Variants in TNPO1 observed in about 807,000 individuals in gnomAD.
TNPO1 encodes transportin-1.
A neutral mutation model predicts 119.5 loss-of-function variants in TNPO1; 8 were observed. The observed-to-expected ratio is 0.07, with a 90% CI of 0.04 to 0.12. The LOEUF is 0.12. Ranked by LOEUF, TNPO1 falls within the 10% of genes least tolerant of loss-of-function variation. TNPO1 has a pLI of 1.00. For synonymous variants in TNPO1, 362 were observed against 363.0 expected, an observed-to-expected ratio of 1.00 and a Z score of 0.03; for missense variants, 576 against 1,089.8, an observed-to-expected ratio of 0.53 and a Z score of 6.64.
At chr5:72,877,596 G>GT (rs975928320) in intron 9 of TNPO1, among the ~76,000 whole-genome samples, 1 of 151,778 alleles carries the variant, frequency 6.6e-6, no homozygotes, top group Non-Finnish European at 1.5e-5. Context: ...TTTTTGTGGG[G>GT]TTTTTTTGTT....
chr5:72,825,169 G>T (rs957289224), intron 1 of TNPO1, among the ~76,000 whole-genome samples: 4 of 152,102 alleles, frequency 2.6e-5, no homozygotes, highest in Non-Finnish European at 4.4e-5. Flanking sequence ...ACTGAAATAG[G>T]TTACTACCTG....
intron 3 of TNPO1, among the ~76,000 whole-genome samples, chr5:72,852,718 A>G (rs989091809): frequency 1.3e-5 from 2 of 152,168 alleles, no homozygotes; most frequent in African/African-American, 4.8e-5. Flanking sequence ...GATTTTCATA[A>G]TTCTTGCACG....
chr5:72,851,397 A>G (rs187451669), intron 3 of TNPO1, 78 bp downstream of exon 3: 11 of 879,640 alleles, frequency 1.3e-5, no homozygotes, highest in Admixed American at 9.6e-5. Flanking sequence ...ATTCATTTCA[A>G]AGGATTTCAT....
At chr5:72,898,163 T>C (rs973040809) in intron 20 of TNPO1, among the ~76,000 whole-genome samples, 3 of 152,098 alleles carry the variant, frequency 2.0e-5, no homozygotes, top group African/African-American at 7.2e-5. Context: ...GGATTTTATC[T>C]TTTCAGAATG....
chr5:72,908,757 T>C lies in TNPO1; in HGVS notation c.*84T>C, dbSNP rs1022176865. 1.3e-5 allele frequency: 3 copies of C among 224,642 alleles called. No homozygotes were observed. Among genetic ancestry groups the C allele is most frequent in the Non-Finnish European group, 2.8e-5 (3 of 106,452 alleles). 13.9% of individuals were successfully genotyped at this position (224,642 alleles called of 1,614,324 possible). On this transcript the variant is annotated 3_prime_UTR_variant, in exon 25 of 25. Transcript: ENST00000337273. The stretch of plus-strand genomic sequence containing the variant: ...AGGGAGCCTCTGCACCCAGGGAAAA[T>C]GTTACCCTTTACAGGGGGGAAGGGT...
chr5:72,850,812 TA>T (rs1254554391), intron 2 of TNPO1, among the ~76,000 whole-genome samples: 8 of 152,222 alleles, frequency 5.3e-5, no homozygotes, highest in African/African-American at 1.9e-4. Flanking sequence ...ATCTTTTTTT[TA>T]AAAGTTATTC....
intron 18 of TNPO1, among the ~76,000 whole-genome samples, chr5:72,894,621 A>C (rs1749291697): frequency 6.6e-6 from 1 of 152,200 alleles, no homozygotes; most frequent in Admixed American, 6.5e-5. Context: ...CAGTGAGCTG[A>C]TACTGTACCA....
intron 11 of TNPO1, among the ~76,000 whole-genome samples, 182 bp from the exon 12 acceptor site, chr5:72,886,888 C>CAAA (rs5868651): frequency 1.3e-4 from 9 of 70,354 alleles, no homozygotes; most frequent in East Asian, 4.5e-4. Context: ...GACTCCATCT[C>CAAA]AAAAAAAAAA....
At chr5:72,843,615 A>C (rs1386541172) in intron 1 of TNPO1, among the ~76,000 whole-genome samples, 3 of 151,718 alleles carry the variant, frequency 2.0e-5, no homozygotes, top group Non-Finnish European at 4.4e-5. Context: ...AAACAAACCC[A>C]AAAAACAAAA....
At chr5:72,823,587 C>T (rs1744079375) in intron 1 of TNPO1, among the ~76,000 whole-genome samples, 1 of 152,216 alleles carries the variant, frequency 6.6e-6, no homozygotes. Context: ...GATCCTATTA[C>T]TGCTCCCCTG....
chr5:72,851,922 A>G (rs747619552), intron 3 of TNPO1, among the ~76,000 whole-genome samples: 9 of 152,248 alleles, frequency 5.9e-5, no homozygotes, highest in Admixed American at 2.0e-4. Context: ...AGGTTGTAAT[A>G]CAAAGATTGA....
intron 1 of TNPO1, among the ~76,000 whole-genome samples, chr5:72,841,398 G>A (rs752369899): frequency 9.9e-5 from 15 of 152,146 alleles, no homozygotes; most frequent in South Asian, 2.1e-4. Context: ...GAATACAGGC[G>A]TGAGCCACCG....
chr5:72,822,640 T>A (rs1198338610), intron 1 of TNPO1, among the ~76,000 whole-genome samples: 1 of 150,750 alleles, frequency 6.6e-6, no homozygotes, highest in Non-Finnish European at 1.5e-5. Flanking sequence ...TTGCCCAGGC[T>A]GGAGTGCAGT....
chr5:72,900,448 T>A (rs1178258636), intron 21 of TNPO1, among the ~76,000 whole-genome samples: 1 of 152,194 alleles, frequency 6.6e-6, no homozygotes, highest in East Asian at 1.9e-4. Flanking sequence ...TTTGGAAACT[T>A]GGATTGCATT....
At chr5:72,820,931 A>G (rs900507317) in intron 1 of TNPO1, among the ~76,000 whole-genome samples, 3 of 152,182 alleles carry the variant, frequency 2.0e-5, no homozygotes, top group Non-Finnish European at 2.9e-5. Flanking sequence ...GAATGCACCA[A>G]ATATCTGTGG....
At chr5:72,822,274 G>A (rs1743995517) in intron 1 of TNPO1, among the ~76,000 whole-genome samples, 3 of 151,460 alleles carry the variant, frequency 2.0e-5, no homozygotes, top group African/African-American at 7.3e-5. Context: ...AGGTAAACAT[G>A]GAATAATGAT....
At chr5:72,867,928 G>C (rs1438826836) in intron 6 of TNPO1, among the ~76,000 whole-genome samples, 1 of 152,088 alleles carries the variant, frequency 6.6e-6, no homozygotes, top group Non-Finnish European at 1.5e-5. Context: ...TTATGGTCTT[G>C]ATAATACTTT....
At chr5:72,907,412 C>T (rs1412142766) in intron 24 of TNPO1, among the ~76,000 whole-genome samples, 2 of 152,028 alleles carry the variant, frequency 1.3e-5, no homozygotes, top group Non-Finnish European at 2.9e-5. Flanking sequence ...TTATTCCTGC[C>T]TTTTTGTACT....
At chr5:72,819,588 T>C (rs538384622) in intron 1 of TNPO1, among the ~76,000 whole-genome samples, 17 of 152,172 alleles carry the variant, frequency 1.1e-4, no homozygotes, top group African/African-American at 4.1e-4. Flanking sequence ...TACATCTTAA[T>C]CCAAAAAGAC....
Sources: gnomAD v4.1 joint callset for allele counts (sites outside exome capture counted in the v4.1 genomes callset) on GRCh38, gnomAD v4.1.1 for gene constraint, MANE v1.5 for transcripts, NCBI Gene and HGNC (gene_info 2026-07-23, HGNC 2026-07-21) for gene names.